WWOX: variants seen among roughly 807,000 people sequenced by gnomAD.
WWOX encodes WW domain-containing oxidoreductase.
In WWOX, 69 loss-of-function variants were observed where a neutral mutation model predicts 46.2. The observed-to-expected ratio is 1.49, with a 90% confidence interval of 1.23 to 1.82. The LOEUF (loss-of-function observed/expected upper bound fraction) is 1.82, where lower values mean the gene tolerates loss of function less well. Among genes scored for constraint, WWOX ranks in the 40% most tolerant of loss-of-function variants. WWOX has a pLI of 0.00. For missense variants in WWOX, 919 were observed against 542.6 expected, an observed-to-expected ratio of 1.69 and a Z score of -6.89; for synonymous variants, 359 against 202.6, an observed-to-expected ratio of 1.77 and a Z score of -6.56.
intron 8 of WWOX, among the ~76,000 whole-genome samples, chr16:78,750,466 C>G (rs1435358800): frequency 6.6e-6 from 1 of 152,078 alleles, no homozygotes; most frequent in African/African-American, 2.4e-5. Context: ...TGTAAGTAAA[C>G]TGGGATTTAT....
intron 8 of WWOX, among the ~76,000 whole-genome samples, chr16:78,481,922 T>G (rs1175359362): frequency 1.3e-5 from 2 of 152,166 alleles, no homozygotes; most frequent in African/African-American, 4.8e-5. Flanking sequence ...AACCTTTCCT[T>G]ACCCAAAGAT....
intron 8 of WWOX, among the ~76,000 whole-genome samples, chr16:78,594,553 T>C (rs753536081): frequency 6.7e-6 from 1 of 150,220 alleles, no homozygotes; most frequent in Non-Finnish European, 1.5e-5. Context: ...ATCACCTGGC[T>C]CAAACTCATA....
chr16:78,350,183 G>C (rs2081160170), intron 5 of WWOX, among the ~76,000 whole-genome samples: 1 of 121,042 alleles, frequency 8.3e-6, no homozygotes, highest in Admixed American at 8.0e-5. Flanking sequence ...AGTCCCAATA[G>C]TTGCCTGATA....
intron 8 of WWOX, among the ~76,000 whole-genome samples, chr16:79,115,155 T>G (rs953720040): frequency 6.6e-6 from 1 of 152,216 alleles, no homozygotes; most frequent in African/African-American, 2.4e-5. Context: ...CCCCATGTTC[T>G]TAGTCAGTAT....
intron 8 of WWOX, among the ~76,000 whole-genome samples, chr16:78,622,340 T>G (rs1461454326): frequency 6.6e-6 from 1 of 151,848 alleles, no homozygotes; most frequent in African/African-American, 2.4e-5. Context: ...GTCAGGAGTT[T>G]GAGACCAGCC....
intron 8 of WWOX, among the ~76,000 whole-genome samples, chr16:78,838,673 C>G (rs2052056550): frequency 6.6e-6 from 1 of 152,144 alleles, no homozygotes; most frequent in Non-Finnish European, 1.5e-5. Flanking sequence ...GAAACCCCAT[C>G]TCTACTAAAA....
chr16:78,193,114 C>G (rs975467332), intron 5 of WWOX, among the ~76,000 whole-genome samples: 1 of 152,222 alleles, frequency 6.6e-6, no homozygotes, highest in Non-Finnish European at 1.5e-5. Flanking sequence ...CAAAACCTCA[C>G]AGAGGCTTCT....
chr16:78,469,172 G>A (rs2738675), intron 8 of WWOX, among the ~76,000 whole-genome samples: 34,716 of 152,114 alleles, frequency 0.23, 6,112 homozygotes, highest in African/African-American at 0.48. Context: ...CCACATGCTT[G>A]TTATGGAAAT....
At chr16:78,680,611 C>T (rs182313707) in intron 8 of WWOX, among the ~76,000 whole-genome samples, 1 of 152,284 alleles carries the variant, frequency 6.6e-6, no homozygotes, top group African/African-American at 2.4e-5. Context: ...CCATTTCAAG[C>T]TAAATTAAAT....
chr16:78,750,853 C>T (rs1016486922), intron 8 of WWOX, among the ~76,000 whole-genome samples: 8 of 152,122 alleles, frequency 5.3e-5, no homozygotes, highest in African/African-American at 1.2e-4. Flanking sequence ...TGTAGTATTT[C>T]GTGGTGTATA....
intron 4 of WWOX, among the ~76,000 whole-genome samples, chr16:78,144,708 G>T (rs1035264773): frequency 2.7e-5 from 4 of 150,246 alleles, no homozygotes; most frequent in Non-Finnish European, 4.4e-5. Context: ...TTTAGTAGAG[G>T]TGGGGTTTTG....
Position 78,180,580 on chromosome 16 carries a change from G to A in WWOX, c.516+16291G>A, listed in dbSNP as rs536005718. 5.3e-5 allele frequency among the ~76,000 whole-genome samples: 8 copies of A among 152,180 alleles called. No homozygotes were observed. In the South Asian group the frequency reaches 6.2e-4, roughly 12 times the overall value. On this transcript the variant is annotated intron_variant, in intron 5 of 8. Coordinates refer to ENST00000566780, the MANE Select transcript of WWOX (RefSeq NM_016373.4). ...AACCCAGCTGCACCTGAGAGTAGGG[G>A]TATATGTTAGGGCTTGTGGGTAAAT...
chr16:79,014,585 C>G (rs2047375431), intron 8 of WWOX, among the ~76,000 whole-genome samples: 1 of 152,132 alleles, frequency 6.6e-6, no homozygotes, highest in African/African-American at 2.4e-5. Context: ...AAAAACAACC[C>G]AACTCCTAGC....
At chr16:79,075,144 A>G (rs137946639) in intron 8 of WWOX, among the ~76,000 whole-genome samples, 166 of 152,322 alleles carry the variant, frequency 1.1e-3, no homozygotes, top group African/African-American at 3.8e-3. Context: ...GAAGATTACA[A>G]CCAACTGAAT....
At chr16:78,274,453 G>A (rs1020729534) in intron 5 of WWOX, among the ~76,000 whole-genome samples, 19 of 152,102 alleles carry the variant, frequency 1.2e-4, no homozygotes, top group African/African-American at 4.6e-4. Flanking sequence ...CCTCTGGCCC[G>A]AAATTCCTGA....
At chr16:78,785,553 C>A (rs537120209) in intron 8 of WWOX, among the ~76,000 whole-genome samples, 3 of 151,956 alleles carry the variant, frequency 2.0e-5, no homozygotes, top group Non-Finnish European at 4.4e-5. Context: ...ATATAATTTA[C>A]AAATAAGAAG....
intron 4 of WWOX, chr16:78,124,149 A>G (rs555338826): frequency 9.2e-5 from 14 of 152,224 alleles, no homozygotes; most frequent in African/African-American, 2.2e-4. Flanking sequence ...CGAATATGCT[A>G]TATTATATAC....
intron 8 of WWOX, among the ~76,000 whole-genome samples, chr16:78,641,165 A>G (rs780069029): frequency 7.9e-4 from 120 of 152,024 alleles, no homozygotes; most frequent in Non-Finnish European, 2.9e-4. Flanking sequence ...GGATTTCAAA[A>G]TGACCCCCGT....
intron 1 of WWOX, among the ~76,000 whole-genome samples, chr16:78,105,560 C>G (rs1308405244): frequency 6.6e-6 from 1 of 152,030 alleles, no homozygotes; most frequent in Admixed American, 6.6e-5. Context: ...CGTAGGTTGA[C>G]AGAGTTTGTT....
Sources: allele counts gnomAD v4.1 joint callset (sites outside exome capture counted in the v4.1 genomes callset), GRCh38; gene constraint gnomAD v4.1.1; transcripts MANE v1.5; gene names NCBI Gene and HGNC (gene_info 2026-07-23, HGNC 2026-07-21).